The following RFX7 variants were observed in gnomAD, a reference collection of about 807,000 sequenced individuals.
RFX7 encodes DNA-binding protein RFX7.
RFX7 carries 26 observed loss-of-function variants against 111.8 expected under a neutral mutation model. The observed-to-expected ratio is 0.23, with a 90% CI of 0.17 to 0.32. The LOEUF is 0.32. Ranked by LOEUF, RFX7 falls within the 10% of genes least tolerant of loss-of-function variation. RFX7 has a pLI of 1.00. For synonymous variants in RFX7, 624 were observed against 624.4 expected (o/e 1.00, Z 0.01); for missense variants, 1,573 against 1,772.9 (o/e 0.89, Z 2.02).
In RFX7 at chr15:56,093,305, T is replaced by A. The variant is rs1449541641; in HGVS notation, c.*40A>T. 6.7e-7 allele frequency: 1 copy of A among 1,501,098 alleles called. No individual in the cohort carries two copies. The highest frequency in any genetic ancestry group is 9.0e-7 in the Non-Finnish European group (1 of 1,110,844). The allele number at this position is 1,501,098 out of a possible 1,614,324, so 93.0% of individuals were successfully genotyped here. A position where few individuals can be genotyped will look rare whatever the true frequency, so the allele number is the denominator to read the frequency against. On this transcript the variant is annotated 3_prime_UTR_variant, in exon 10 of 10. Transcript: ENST00000559447. ...TCCATTAAGACAAATACAATACATATGTCTTTAGATACAGTGTGCTACATG... is the reference window on the plus strand; with the variant it reads ...TCCATTAAGACAAATACAATACATAAGTCTTTAGATACAGTGTGCTACATG...
At position 56,095,856 on chromosome 15, in the gene RFX7, T is replaced by TA; in HGVS notation, c.1871dup (p.Ser625IlefsTer17). ...AAGTTAAGTTCTGAGAAGCAACTGA[T>TA]AGAGTGATAGTGCTTTGATTATTGC... On this transcript the variant is annotated frameshift_variant, in exon 10 of 10. Transcript: ENST00000559447. LOFTEE classifies it high-confidence loss of function. 6.2e-7 allele frequency: 1 copy of TA among 1,607,074 alleles called. No homozygotes were observed. Among genetic ancestry groups the TA allele is most frequent in the Non-Finnish European group, 8.5e-7 (1 of 1,179,830 alleles).
At chr15:56,154,390 G>C (rs1438866636) in intron 3 of RFX7, among the ~76,000 whole-genome samples, 4 of 145,600 alleles carry the variant, frequency 2.7e-5, no homozygotes, top group African/African-American at 7.4e-5. Context: ...TATACTACAA[G>C]GCTACAGTAA....
intron 7 of RFX7, 23 bp downstream of exon 7, chr15:56,102,146 A>G (rs1332937923): frequency 3.2e-6 from 5 of 1,559,586 alleles, no homozygotes; most frequent in Non-Finnish European, 4.4e-6. Flanking sequence ...TTACTTATTA[A>G]AAAGAAAAGG....
intron 5 of RFX7, among the ~76,000 whole-genome samples, chr15:56,132,423 C>CCTTAGGTT (rs1294724864): frequency 2.6e-5 from 4 of 151,806 alleles, no homozygotes; most frequent in African/African-American, 9.7e-5. Flanking sequence ...AGTAAGGTAA[C>CCTTAGGTT]AGTACATTAT....
At chr15:56,184,024 T>G (rs915395585) in intron 2 of RFX7, among the ~76,000 whole-genome samples, 17 of 108,380 alleles carry the variant, frequency 1.6e-4, no homozygotes, top group Admixed American at 4.7e-4. Flanking sequence ...CATGTAGTTG[T>G]TTTTTTTTTT....
At chr15:56,190,864 G>T (rs992961919) in intron 2 of RFX7, among the ~76,000 whole-genome samples, 2 of 152,122 alleles carry the variant, frequency 1.3e-5, no homozygotes, top group African/African-American at 4.8e-5. Context: ...TGTGCAAAAA[G>T]AAAACAAAAT....
chr15:56,188,593 T>C (rs2043066121), intron 2 of RFX7, among the ~76,000 whole-genome samples: 2 of 152,238 alleles, frequency 1.3e-5, no homozygotes, highest in Non-Finnish European at 2.9e-5. Context: ...TGACTAATGA[T>C]ACCTGACTTC....
intron 5 of RFX7, among the ~76,000 whole-genome samples, chr15:56,130,591 A>C (rs2042198992): frequency 6.6e-6 from 1 of 152,054 alleles, no homozygotes; most frequent in African/African-American, 2.4e-5. Context: ...CCTATCCTAA[A>C]TGTGAAAGAA....
At chr15:56,124,530 T>A (rs1381703575) in intron 5 of RFX7, among the ~76,000 whole-genome samples, 1 of 152,216 alleles carries the variant, frequency 6.6e-6, no homozygotes, top group African/African-American at 2.4e-5. Context: ...AGCATTTATT[T>A]GTCTTTCTGA....
chr15:56,199,490 C>T (rs1430387167), intron 2 of RFX7, among the ~76,000 whole-genome samples: 1 of 152,072 alleles, frequency 6.6e-6, no homozygotes, highest in Non-Finnish European at 1.5e-5. Flanking sequence ...TCTCTTTAGC[C>T]TCAATCTATA....
At chr15:56,194,005 G>A (rs749308414) in intron 2 of RFX7, among the ~76,000 whole-genome samples, 1 of 152,042 alleles carries the variant, frequency 6.6e-6, no homozygotes, top group South Asian at 2.1e-4. Context: ...TAAATTAGCA[G>A]TCATGGGCCA....
intron 3 of RFX7, among the ~76,000 whole-genome samples, chr15:56,149,543 C>G (rs1304602848): frequency 6.6e-6 from 1 of 152,152 alleles, no homozygotes; most frequent in African/African-American, 2.4e-5. Flanking sequence ...TGTGTGCAGC[C>G]CACGGAGGGC....
chr15:56,119,791 A>G (rs557080752), intron 5 of RFX7, among the ~76,000 whole-genome samples: 149 of 151,348 alleles, frequency 9.8e-4, no homozygotes, highest in African/African-American at 1.1e-3. Flanking sequence ...AAAAAAAAAA[A>G]AAAGAAAGAA....
At chr15:56,186,419 G>A (rs188127252) in intron 2 of RFX7, among the ~76,000 whole-genome samples, 25 of 152,218 alleles carry the variant, frequency 1.6e-4, no homozygotes, top group Admixed American at 1.6e-3. Flanking sequence ...AAGCTCCCCT[G>A]ATTCCTTGTT....
rs372966380 is a variant in RFX7, at chr15:56,243,249, G to C, written c.37C>G (p.Pro13Ala). 1.5e-6 allele frequency: 2 copies of C among 1,306,582 alleles called. No individual in the cohort carries two copies. The highest frequency in any genetic ancestry group is 2.0e-6 in the Non-Finnish European group (2 of 992,284). The allele number at this position is 1,306,582 out of a possible 1,614,324, so 80.9% of individuals were successfully genotyped here. ...EEQQQPPPQQPDAHQQLPPSA... is the reference protein window; with the variant it reads ...EEQQQPPPQQADAHQQLPPSA... ...GGGGGAAGCTGCTGATGGGCATCAG[G>C]CTGCTGTGGTGGCGGCTGTTGTTGT... The change falls in exon 2 of 10, where the codon CCT becomes GCT. Residue 13 changes from proline to alanine, a missense_variant. Transcript: ENST00000559447.
intron 2 of RFX7, among the ~76,000 whole-genome samples, chr15:56,229,652 A>G (rs1356451353): frequency 1.3e-5 from 2 of 152,198 alleles, no homozygotes; most frequent in African/African-American, 4.8e-5. Flanking sequence ...CCATAGCCCA[A>G]GAGTTTCTGT....
chr15:56,189,219 T>C (rs1225881815), intron 2 of RFX7, among the ~76,000 whole-genome samples: 1 of 152,128 alleles, frequency 6.6e-6, no homozygotes, highest in East Asian at 1.9e-4. Context: ...AGACTCTATT[T>C]CTACAAATTT....
intron 3 of RFX7, among the ~76,000 whole-genome samples, chr15:56,161,059 T>C (rs1305955289): frequency 6.6e-6 from 1 of 152,124 alleles, no homozygotes. Flanking sequence ...AATGGCTTAA[T>C]TTTCTGTTCA....
upstream of RFX7, among the ~76,000 whole-genome samples, chr15:56,244,628 T>C (rs1308354820): frequency 3.9e-4 from 23 of 59,326 alleles, no homozygotes; most frequent in African/African-American, 1.5e-3. Flanking sequence ...TTTATACCGC[T>C]CCCAATTCCA....
Sources: gnomAD v4.1 joint callset for allele counts (sites outside exome capture counted in the v4.1 genomes callset) on GRCh38, gnomAD v4.1.1 for gene constraint, MANE v1.5 for transcripts, NCBI Gene and HGNC (gene_info 2026-07-23, HGNC 2026-07-21) for gene names.